RIT2: variants seen among roughly 807,000 people sequenced by gnomAD.
RIT2 encodes Ras like without CAAX 2.
RIT2 carries 24 observed loss-of-function variants against 23.7 expected under a neutral mutation model. The ratio of observed to expected loss-of-function variants is 1.01; its 90% confidence interval spans 0.73 to 1.43. RIT2 has a LOEUF of 1.43. Among genes scored for constraint, RIT2 ranks in the 40% most tolerant of loss-of-function variants. The pLI is 0.00. For missense variants in RIT2, 236 were observed against 266.9 expected (o/e 0.88, Z 0.81); for synonymous variants, 107 against 91.1 (o/e 1.17, Z -0.99).
chr18:42,796,774 C>T (rs12604596), intron 4 of RIT2, among the ~76,000 whole-genome samples: 4,550 of 152,264 alleles, frequency 0.03, 328 homozygotes, highest in East Asian at 0.26. Flanking sequence ...CTCTGGTTTT[C>T]CTTTGACAGG....
intron 4 of RIT2, among the ~76,000 whole-genome samples, chr18:42,884,322 T>C (rs1907967395): frequency 2.0e-5 from 3 of 152,210 alleles, no homozygotes; most frequent in Admixed American, 2.0e-4. Flanking sequence ...CTCTTTTCTT[T>C]AATGTCAACA....
intron 4 of RIT2, among the ~76,000 whole-genome samples, chr18:42,796,230 G>A (rs569386713): frequency 3.3e-5 from 5 of 152,222 alleles, no homozygotes; most frequent in African/African-American, 1.2e-4. Context: ...GGAGCTCACT[G>A]GGAGGAACCA....
At chr18:42,949,521 A>C (rs566998823) in intron 3 of RIT2, among the ~76,000 whole-genome samples, 1 of 152,108 alleles carries the variant, frequency 6.6e-6, no homozygotes, top group Non-Finnish European at 1.5e-5. Flanking sequence ...TGGGCAGATA[A>C]CCTTGCAGAA....
chr18:43,105,490 G>GAAGCGAGGAAGAGAGGAAGGGAGGAAGGA, intron 1 of RIT2, among the ~76,000 whole-genome samples: 1 of 118,240 alleles, frequency 8.5e-6, no homozygotes, highest in Non-Finnish European at 1.7e-5. Flanking sequence ...GGGAGGAAGG[G>GAAGCGAGGAAGAGAGGAAGGGAGGAAGGA]AGGAAGAAAG....
At chr18:42,760,372 C>T (rs1913272785) in intron 4 of RIT2, among the ~76,000 whole-genome samples, 1 of 152,208 alleles carries the variant, frequency 6.6e-6, no homozygotes, top group Non-Finnish European at 1.5e-5. Context: ...TAAGAAGCAG[C>T]AGCCTGAGAC....
intron 4 of RIT2, among the ~76,000 whole-genome samples, chr18:42,766,811 G>T (rs1913433309): frequency 6.6e-6 from 1 of 152,182 alleles, no homozygotes; most frequent in South Asian, 2.1e-4. Flanking sequence ...GGGACTTGGT[G>T]CCCTGTGTCC....
chr18:42,983,526 T>G (rs1377012833), intron 2 of RIT2, among the ~76,000 whole-genome samples: 1 of 151,988 alleles, frequency 6.6e-6, no homozygotes, highest in African/African-American at 2.4e-5. Flanking sequence ...ATCAATATCT[T>G]TTACTCTATG....
chr18:42,806,123 ATATATATT>A (rs1249481773), intron 4 of RIT2, among the ~76,000 whole-genome samples: 2 of 143,306 alleles, frequency 1.4e-5, no homozygotes, highest in African/African-American at 5.4e-5. Flanking sequence ...ATATATATAT[ATATATATT>A]TTACAAATCC....
chr18:42,919,440 G>A (rs376779215), intron 4 of RIT2, among the ~76,000 whole-genome samples: 6 of 152,216 alleles, frequency 3.9e-5, no homozygotes, highest in East Asian at 1.9e-4. Context: ...TTGGCCGGGC[G>A]CAGTAGCTTA....
At chr18:43,104,980 T>A (rs1913774238) in intron 1 of RIT2, among the ~76,000 whole-genome samples, 1 of 152,052 alleles carries the variant, frequency 6.6e-6, no homozygotes, top group Non-Finnish European at 1.5e-5. Context: ...AAAAATTAAT[T>A]TCAGTCTGGA....
At chr18:42,903,120 A>T (rs1035939268) in intron 4 of RIT2, among the ~76,000 whole-genome samples, 4 of 152,050 alleles carry the variant, frequency 2.6e-5, no homozygotes, top group Non-Finnish European at 4.4e-5. Flanking sequence ...CTTGAATATG[A>T]CACCAACTAA....
At chr18:42,945,175 T>C (rs577383483) in intron 3 of RIT2, among the ~76,000 whole-genome samples, 7 of 152,266 alleles carry the variant, frequency 4.6e-5, no homozygotes, top group Admixed American at 3.9e-4. Flanking sequence ...TTTATTTTCA[T>C]CTGATAACTT....
At chr18:42,910,942 C>T (rs892041699) in intron 4 of RIT2, among the ~76,000 whole-genome samples, 1 of 152,028 alleles carries the variant, frequency 6.6e-6, no homozygotes, top group Non-Finnish European at 1.5e-5. Flanking sequence ...ACAACAAGAT[C>T]TACTGACATT....
chr18:42,806,100 AATATATATAT>A lies in RIT2; in HGVS notation c.427-62390_427-62381del, dbSNP rs58214096. Among the ~76,000 whole-genome samples the A allele has an allele frequency of 5.8e-3, 810 of 140,026 alleles. 5 individuals are homozygous for A. Among genetic ancestry groups the A allele is most frequent in the African/African-American group, 0.014 (555 of 39,010 alleles). 91.9% of individuals were successfully genotyped at this position (140,026 alleles called of 152,430 possible). On this transcript the variant is annotated intron_variant, in intron 4 of 4. Coordinates refer to ENST00000326695, the MANE Select transcript of RIT2 (RefSeq NM_002930.4). ...TCAAAAGTGGAGATTTAATAAAATT[AATATATATAT>A]ATATATATATATATATATATTTTAC...
chr18:43,030,252 C>T (rs80171298), intron 2 of RIT2, among the ~76,000 whole-genome samples: 4,729 of 151,888 alleles, frequency 0.031, 259 homozygotes, highest in African/African-American at 0.11. Context: ...TCAAAAGAGG[C>T]GCTCTTGAGG....
At chr18:43,087,521 C>T (rs1296369622) in intron 1 of RIT2, among the ~76,000 whole-genome samples, 1 of 152,118 alleles carries the variant, frequency 6.6e-6, no homozygotes, top group Non-Finnish European at 1.5e-5. Context: ...CATGAAGTTA[C>T]CTTACTCAGT....
intron 1 of RIT2, among the ~76,000 whole-genome samples, chr18:43,063,034 T>C (rs537918275): frequency 1.3e-5 from 2 of 152,216 alleles, no homozygotes; most frequent in Admixed American, 1.3e-4. Flanking sequence ...TAGTTATATA[T>C]TTTCCTTGAG....
intron 4 of RIT2, among the ~76,000 whole-genome samples, chr18:42,904,107 G>T (rs539308371): frequency 3.0e-4 from 46 of 152,138 alleles, no homozygotes; most frequent in African/African-American, 9.9e-4. Context: ...GCACATACAA[G>T]AATTTCTTTG....
chr18:43,103,738 A>G (rs116281856), intron 1 of RIT2, among the ~76,000 whole-genome samples: 197 of 152,342 alleles, frequency 1.3e-3, no homozygotes, highest in African/African-American at 4.6e-3. Flanking sequence ...AAGGTAGATG[A>G]CAGTGATGGA....
Sources: gnomAD v4.1 joint callset for allele counts (sites outside exome capture counted in the v4.1 genomes callset) on GRCh38, gnomAD v4.1.1 for gene constraint, MANE v1.5 for transcripts, NCBI Gene and HGNC (gene_info 2026-07-23, HGNC 2026-07-21) for gene names.